The following VRK2 variants were observed in gnomAD, a reference collection of about 807,000 sequenced individuals.
VRK2 encodes the protein VRK serine/threonine kinase 2, also known as serine/threonine-protein kinase VRK2.
VRK2 carries 60 observed loss-of-function variants against 57.6 expected under a neutral mutation model. The observed-to-expected ratio is 1.04, with a 90% CI of 0.85 to 1.29. VRK2 has a LOEUF of 1.29. Among genes scored for constraint, VRK2 ranks in the 50% most tolerant of loss-of-function variants. VRK2 has a pLI of 0.00. For missense variants in VRK2, 705 were observed against 588.1 expected, an observed-to-expected ratio of 1.20 and a Z score of -2.06; for synonymous variants, 231 against 199.2, an observed-to-expected ratio of 1.16 and a Z score of -1.35.
chr2:58,026,874 A>C (rs1572798034), intron 2 of VRK2: 1 of 149,686 alleles, frequency 6.7e-6, no homozygotes. Flanking sequence ...ATGCACACAC[A>C]GCTTTTTTTC....
chr2:58,108,676 TTC>T (rs1182359638), intron 7 of VRK2, among the ~76,000 whole-genome samples: 2 of 152,220 alleles, frequency 1.3e-5, no homozygotes, highest in African/African-American at 2.4e-5. Flanking sequence ...TGTTGCTTCT[TTC>T]TCTGAGTCTC....
At position 58,078,157 on chromosome 2, in the gene VRK2, C is replaced by T. The variant is rs115862675; in HGVS notation, c.137-5932C>T. ...TTAAACAGTAATTCTCCATTTTCCTCTTTTCCCAGCACCTGGAAACCAGCA... is the reference window on the plus strand; with the variant it reads ...TTAAACAGTAATTCTCCATTTTCCTTTTTTCCCAGCACCTGGAAACCAGCA... On this transcript the variant is annotated intron_variant, in intron 2 of 12. Transcript: ENST00000340157. 5.0e-3 allele frequency among the ~76,000 whole-genome samples: 764 copies of T among 152,228 alleles called. 11 individuals carry two copies. The highest frequency in any genetic ancestry group is 0.018 in the African/African-American group (728 of 41,550).
intron 2 of VRK2, among the ~76,000 whole-genome samples, chr2:58,053,051 T>G (rs1392648423): frequency 1.3e-5 from 2 of 152,186 alleles, no homozygotes; most frequent in Admixed American, 6.5e-5. Flanking sequence ...TGTTCAACAG[T>G]TATTTGCCTG....
Position 58,028,903 on chromosome 2 carries a change from AATATATATATATAT to A in VRK2, c.-333+3160_-333+3173del, listed in dbSNP as rs58729342. Among the ~76,000 whole-genome samples the A allele has an allele frequency of 2.6e-3, 138 of 54,024 alleles. 3 individuals carry two copies. The highest frequency in any genetic ancestry group is 9.5e-3 in the East Asian group (14 of 1,470). The allele number at this position is 54,024 out of a possible 152,430, so 35.4% of individuals were successfully genotyped here. A position where few individuals can be genotyped will look rare whatever the true frequency, so the allele number is the denominator to read the frequency against. On this transcript the variant is annotated intron_variant, in intron 2 of 15. Coordinates refer to the VRK2 transcript ENST00000417641. ...AGTATAATAAATAAATAAATAAATA[AATATATATATATAT>A]ATATATATATATATATATATATATA...
At chr2:57,986,457 A>G (rs1456410274) in intron 1 of VRK2, among the ~76,000 whole-genome samples, 2 of 152,210 alleles carry the variant, frequency 1.3e-5, no homozygotes, top group African/African-American at 4.8e-5. Context: ...AGGAATTAGA[A>G]AAGTCAAAAC....
intron 12 of VRK2, among the ~76,000 whole-genome samples, chr2:58,156,675 A>C (rs1364504582): frequency 2.6e-5 from 4 of 151,870 alleles, no homozygotes; most frequent in Non-Finnish European, 4.4e-5. Context: ...TGAATTTTTC[A>C]TGTTATACCC....
chr2:57,909,083 T>C (rs1236633799), intron 1 of VRK2, among the ~76,000 whole-genome samples: 1 of 152,192 alleles, frequency 6.6e-6, no homozygotes, highest in Non-Finnish European at 1.5e-5. Flanking sequence ...GCCTCCCCTT[T>C]GCATTCCCTC....
chr2:57,980,740 T>A (rs1269493340), intron 1 of VRK2, among the ~76,000 whole-genome samples: 1 of 152,222 alleles, frequency 6.6e-6, no homozygotes, highest in East Asian at 1.9e-4. Flanking sequence ...ACATTTAGGA[T>A]TGTTAAGTCT....
chr2:57,970,130 A>G (rs983338255), intron 1 of VRK2, among the ~76,000 whole-genome samples: 8 of 149,104 alleles, frequency 5.4e-5, no homozygotes, highest in African/African-American at 9.8e-5. Flanking sequence ...TATATCTTTT[A>G]TAATGTAATA....
chr2:58,041,607 A>T (rs896115171), intron 3 of VRK2, among the ~76,000 whole-genome samples: 1 of 152,234 alleles, frequency 6.6e-6, no homozygotes, highest in Non-Finnish European at 1.5e-5. Context: ...ACATGTTTTG[A>T]AATGGCCCTG....
At chr2:58,121,111 C>T (rs1225484380) in intron 7 of VRK2, among the ~76,000 whole-genome samples, 2 of 152,162 alleles carry the variant, frequency 1.3e-5, no homozygotes, top group African/African-American at 2.4e-5. Context: ...ACACAAGCCA[C>T]ATAACCTCAC....
At chr2:57,999,568 A>C (rs1372374861) in intron 1 of VRK2, among the ~76,000 whole-genome samples, 3 of 152,132 alleles carry the variant, frequency 2.0e-5, no homozygotes, top group Non-Finnish European at 4.4e-5. Context: ...TGAACTTTTG[A>C]GCCTATAAAA....
At chr2:58,024,113 C>T (rs1257833822) in intron 1 of VRK2, among the ~76,000 whole-genome samples, 1 of 151,998 alleles carries the variant, frequency 6.6e-6, no homozygotes, top group African/African-American at 2.4e-5. Context: ...AGCCTCCCTC[C>T]CAAGTAGCTG....
chr2:58,050,966 T>C (rs950127021), intron 2 of VRK2, among the ~76,000 whole-genome samples: 7 of 152,022 alleles, frequency 4.6e-5, no homozygotes, highest in Non-Finnish European at 8.8e-5. Flanking sequence ...TGCCTCAACC[T>C]CCCAAGCATC....
intron 10 of VRK2, among the ~76,000 whole-genome samples, chr2:58,135,519 A>G (rs1304571020): frequency 6.6e-6 from 1 of 151,106 alleles, no homozygotes; most frequent in African/African-American, 2.4e-5. Flanking sequence ...GTATTTCTAG[A>G]GTTAAGACTT....
intron 2 of VRK2, chr2:58,058,378 A>T (rs781401763): frequency 2.1e-6 from 1 of 470,704 alleles, no homozygotes. Flanking sequence ...TCTCTCTCCA[A>T]TGCTTAGTGT....
intron 1 of VRK2, among the ~76,000 whole-genome samples, chr2:57,961,645 CT>C (rs1558514332): frequency 1.6e-5 from 2 of 126,546 alleles, no homozygotes; most frequent in South Asian, 5.7e-4. Context: ...ACTTATTACT[CT>C]GATTAATCAA....
chr2:58,020,589 T>C (rs989483982), intron 1 of VRK2, among the ~76,000 whole-genome samples: 3 of 152,236 alleles, frequency 2.0e-5, no homozygotes, highest in Non-Finnish European at 4.4e-5. Flanking sequence ...ACATGTTCTA[T>C]GTAAGTGTAT....
intron 1 of VRK2, among the ~76,000 whole-genome samples, chr2:57,951,810 C>T (rs1671434476): frequency 6.6e-6 from 1 of 152,078 alleles, no homozygotes; most frequent in Admixed American, 6.5e-5. Context: ...GTGGGGCAAT[C>T]ATAGCTCATG....
Sources: allele counts gnomAD v4.1 joint callset (sites outside exome capture counted in the v4.1 genomes callset), GRCh38; gene constraint gnomAD v4.1.1; transcripts MANE v1.5; gene names NCBI Gene and HGNC (gene_info 2026-07-23, HGNC 2026-07-21).